DDX10: variants seen among roughly 807,000 people sequenced by gnomAD.
The protein encoded by DDX10 is DEAD-box helicase 10, also known as probable ATP-dependent RNA helicase DDX10.
DDX10 carries 74 observed loss-of-function variants against 104.3 expected under a neutral mutation model. The ratio of observed to expected loss-of-function variants is 0.71; its 90% CI spans 0.59 to 0.86. DDX10 has a LOEUF of 0.86. DDX10 is among the 40% of genes least tolerant of loss of function. The pLI, the probability that DDX10 is intolerant of heterozygous loss-of-function variation, is 0.00. For missense variants in DDX10, 952 were observed against 1,040.0 expected (o/e 0.92, Z 1.16); for synonymous variants, 351 against 353.4 (o/e 0.99, Z 0.08).
intron 17 of DDX10, among the ~76,000 whole-genome samples, chr11:108,939,908 A>T (rs114689410): frequency 6.8e-4 from 103 of 152,282 alleles, no homozygotes; most frequent in African/African-American, 2.5e-3. Context: ...CAGTAGAGGT[A>T]GTTTGGTGTG....
At chr11:108,855,584 C>T (rs762323658) in intron 16 of DDX10, among the ~76,000 whole-genome samples, 2 of 152,112 alleles carry the variant, frequency 1.3e-5, no homozygotes, top group South Asian at 2.1e-4. Context: ...CTCAGCCTCC[C>T]GAGTAGCTGG....
chr11:108,902,589 G>T (rs1043035138), intron 16 of DDX10, among the ~76,000 whole-genome samples: 2 of 152,064 alleles, frequency 1.3e-5, no homozygotes, highest in Non-Finnish European at 2.9e-5. Context: ...AAGCTAAAAA[G>T]TTAAGGATTT....
chr11:108,892,051 G>C (rs1045129122), intron 16 of DDX10, among the ~76,000 whole-genome samples: 2 of 152,116 alleles, frequency 1.3e-5, no homozygotes, highest in Admixed American at 1.3e-4. Flanking sequence ...GCTTTATGTA[G>C]TAGTCAGAAC....
chr11:108,875,874 T>A (rs907879521), intron 16 of DDX10, among the ~76,000 whole-genome samples: 1 of 152,170 alleles, frequency 6.6e-6, no homozygotes, highest in Middle Eastern at 3.2e-3. Flanking sequence ...GGGAAGTATC[T>A]GTGGGTTTCA....
chr11:108,743,201 C>T (rs995587570), intron 13 of DDX10, among the ~76,000 whole-genome samples: 1 of 152,124 alleles, frequency 6.6e-6, no homozygotes, highest in African/African-American at 2.4e-5. Context: ...AGGCTTTATC[C>T]CTGGGATACA....
At chr11:108,850,179 C>T (rs1862772011) in intron 15 of DDX10, among the ~76,000 whole-genome samples, 1 of 152,038 alleles carries the variant, frequency 6.6e-6, no homozygotes, top group African/African-American at 2.4e-5. Flanking sequence ...CTTTGGATGT[C>T]TCTTGTCCGT....
chr11:108,870,591 A>C (rs2042678), intron 16 of DDX10, among the ~76,000 whole-genome samples: 115,115 of 152,122 alleles, frequency 0.76, 43,903 homozygotes, highest in Admixed American at 0.8. Context: ...TTGTTTCCTT[A>C]CTGTCTCCAG....
intron 13 of DDX10, among the ~76,000 whole-genome samples, chr11:108,788,998 G>A (rs905547712): frequency 4.6e-5 from 7 of 152,124 alleles, no homozygotes; most frequent in African/African-American, 4.8e-5. Flanking sequence ...CAGATAGGCC[G>A]TACCCTCTCT....
Position 108,815,947 on chromosome 11 carries a change from G to A in DDX10, c.1966-22499G>A, listed in dbSNP as rs191450491. ...TTTCTTTTGAATCTATTCAGGTCAG[G>A]TTTTTGTCCCTGCCAATCTGTTGAA... On this transcript the variant is annotated intron_variant, in intron 13 of 17. Coordinates refer to ENST00000322536, the MANE Select transcript of DDX10 (RefSeq NM_004398.4). Among the ~76,000 whole-genome samples the A allele has an allele frequency of 2.3e-3, 350 of 152,102 alleles. 3 individuals are homozygous for A. Among genetic ancestry groups the A allele is most frequent in the African/African-American group, 7.8e-3 (326 of 41,532 alleles).
chr11:108,847,878 T>C (rs1862740108), intron 15 of DDX10, among the ~76,000 whole-genome samples: 1 of 152,214 alleles, frequency 6.6e-6, no homozygotes, highest in African/African-American at 2.4e-5. Flanking sequence ...AAGGGTCAAG[T>C]AATGTGTCCA....
At chr11:108,810,621 A>G (rs1053032711) in intron 13 of DDX10, among the ~76,000 whole-genome samples, 2 of 152,208 alleles carry the variant, frequency 1.3e-5, no homozygotes, top group Non-Finnish European at 2.9e-5. Flanking sequence ...TAAATCGACA[A>G]GCTTCATCCA....
intron 12 of DDX10, among the ~76,000 whole-genome samples, chr11:108,720,602 G>A (rs4753847): frequency 6.6e-6 from 1 of 151,876 alleles, no homozygotes; most frequent in South Asian, 2.1e-4. Context: ...GATTTTTTGC[G>A]GGGGAGGAGA....
intron 16 of DDX10, among the ~76,000 whole-genome samples, chr11:108,857,675 A>G (rs2134610469): frequency 6.6e-6 from 1 of 152,320 alleles, no homozygotes; most frequent in South Asian, 2.1e-4. Flanking sequence ...TAGACAAGGA[A>G]ATTGAAGCTT....
At chr11:108,848,525 T>C (rs1862749148) in intron 15 of DDX10, among the ~76,000 whole-genome samples, 1 of 152,206 alleles carries the variant, frequency 6.6e-6, no homozygotes, top group Non-Finnish European at 1.5e-5. Flanking sequence ...ATTATTAAAA[T>C]GGAAGCCAAC....
At chr11:108,781,094 T>C (rs551176913) in intron 13 of DDX10, among the ~76,000 whole-genome samples, 40 of 152,174 alleles carry the variant, frequency 2.6e-4, no homozygotes, top group Admixed American at 3.3e-4. Context: ...CAGTGTCTCT[T>C]ATTCCCATTT....
At chr11:108,748,907 C>T (rs887824530) in intron 13 of DDX10, among the ~76,000 whole-genome samples, 6 of 151,560 alleles carry the variant, frequency 4.0e-5, no homozygotes, top group Non-Finnish European at 5.9e-5. Flanking sequence ...TTTTTTAATC[C>T]TCCTGCCTTG....
intron 13 of DDX10, among the ~76,000 whole-genome samples, chr11:108,730,643 A>G (rs2094310852): frequency 6.6e-6 from 1 of 152,198 alleles, no homozygotes; most frequent in Non-Finnish European, 1.5e-5. Context: ...CAGTGGTTCA[A>G]AAGGTATTGT....
chr11:108,927,658 G>A lies in DDX10; in HGVS notation c.2450+9640G>A, dbSNP rs1050164819. 4.2e-5 allele frequency among the ~76,000 whole-genome samples: 6 copies of A among 142,998 alleles called. No individual in the cohort carries two copies. The Admixed American group carries it at 4.2e-4, about 10-fold the overall frequency. The allele number at this position is 142,998 out of a possible 152,430, so 93.8% of individuals were successfully genotyped here. A position where few individuals can be genotyped will look rare whatever the true frequency, so the allele number is the denominator to read the frequency against. On this transcript the variant is annotated intron_variant, in intron 17 of 17. Transcript: ENST00000322536. ...AACTTTTTTTTTTTTTTCTTTTTCT[G>A]ATGGAGTCTCCCTCTGTTGCCCAGG...
intron 16 of DDX10, among the ~76,000 whole-genome samples, chr11:108,907,396 C>T (rs1313635455): frequency 6.7e-6 from 1 of 150,050 alleles, no homozygotes; most frequent in South Asian, 2.1e-4. Flanking sequence ...AGTACAGTGG[C>T]GTGATCTCAG....
Sources: allele counts gnomAD v4.1 joint callset (sites outside exome capture counted in the v4.1 genomes callset), GRCh38; gene constraint gnomAD v4.1.1; transcripts MANE v1.5; gene names NCBI Gene and HGNC (gene_info 2026-07-23, HGNC 2026-07-21).